Variants in ARID1B observed in about 807,000 individuals in gnomAD.
ARID1B encodes the protein AT-rich interaction domain 1B.
ARID1B carries 30 observed loss-of-function variants against 212.3 expected under a neutral mutation model. The ratio of observed to expected loss-of-function variants is 0.14; its 90% confidence interval spans 0.11 to 0.19. The LOEUF (loss-of-function observed/expected upper bound fraction) is 0.19, where lower values mean the gene tolerates loss of function less well. Among genes scored for constraint, ARID1B ranks in the 10% least tolerant of loss-of-function variants. ARID1B has a pLI of 1.00. For synonymous variants in ARID1B, 1,402 were observed against 1,301.7 expected (o/e 1.08, Z -1.66); for missense variants, 2,891 against 3,204.0 (o/e 0.90, Z 2.36).
At position 157,206,048 on chromosome 6, in the gene ARID1B, A is replaced by C; in HGVS notation, c.5395-119A>C. 1 of 1,152,178 alleles carries C rather than the reference A, an allele frequency of 8.7e-7. No individual in the cohort carries two copies. The highest frequency in any genetic ancestry group is 1.2e-6 in the Non-Finnish European group (1 of 811,290). The allele number at this position is 1,152,178 out of a possible 1,614,324, so 71.4% of individuals were successfully genotyped here. A position where few individuals can be genotyped will look rare whatever the true frequency, so the allele number is the denominator to read the frequency against. ...CATGGTCCAGCCAAAAAGGGAGACA[A>C]ACGTGTGACAATGATGGAAAGGTAT... On this transcript the variant is annotated intron_variant, in intron 19 of 19. Transcript: ENST00000636930. The surrounding 1 kb of genome is among the most constrained non-coding windows in gnomAD (Gnocchi z 6.8).
chr6:156,942,954 C>G (rs1562499983), intron 4 of ARID1B: 1 of 152,192 alleles, frequency 6.6e-6, no homozygotes, highest in Non-Finnish European at 1.5e-5. Context: ...CCAGCAGGAG[C>G]TCATAGTAGC....
intron 1 of ARID1B, among the ~76,000 whole-genome samples, chr6:156,820,294 A>G (rs1014667236): frequency 9.9e-5 from 15 of 152,190 alleles, no homozygotes; most frequent in Middle Eastern, 3.2e-3. Flanking sequence ...CAAGAGGCCT[A>G]CATTCTAGTT....
In ARID1B at chr6:156,829,288, C is replaced by T; in HGVS notation, c.1853C>T (p.Pro618Leu). Residue 618 changes from proline to leucine, a missense_variant, in exon 2 of 20, where the codon CCT (proline) becomes CTT (leucine). Physicochemically the swap from Pro to Leu is moderately conservative, Grantham distance 98. Transcript: ENST00000636930. Reference sequence around the variant, plus strand: ...CAGTTGTATGGCATGGGCAGTAACCCTCATTCTCAGCCTCAGCAGAGCAGT... The same window carrying T: ...CAGTTGTATGGCATGGGCAGTAACCTTCATTCTCAGCCTCAGCAGAGCAGT... ...RPQLYGMGSNPHSQPQQSSPY... is the reference protein window; with the variant it reads ...RPQLYGMGSNLHSQPQQSSPY... The T allele has an allele frequency of 6.2e-7, 1 of 1,614,202 alleles. No homozygotes were observed. Among genetic ancestry groups the T allele is most frequent in the South Asian group, 1.1e-5 (1 of 91,086 alleles).
chr6:157,146,819 A>C (rs1789761978), intron 7 of ARID1B, among the ~76,000 whole-genome samples: 1 of 152,196 alleles, frequency 6.6e-6, no homozygotes, highest in South Asian at 2.1e-4. Context: ...ACTGATTGGG[A>C]AACACTAATC....
intron 2 of ARID1B, among the ~76,000 whole-genome samples, chr6:156,859,467 C>T (rs1225649310): frequency 1.3e-5 from 2 of 152,090 alleles, no homozygotes; most frequent in African/African-American, 4.8e-5. Flanking sequence ...GGAGAGTTCG[C>T]CTTCCCTTAA....
chr6:157,082,391 C>T (rs1395815321), intron 4 of ARID1B, among the ~76,000 whole-genome samples: 1 of 152,108 alleles, frequency 6.6e-6, no homozygotes. Context: ...TTGTTGAGTC[C>T]AGTAATCAAG....
intron 6 of ARID1B, among the ~76,000 whole-genome samples, chr6:157,126,472 G>A (rs1788144287): frequency 1.3e-5 from 2 of 152,012 alleles, no homozygotes; most frequent in Non-Finnish European, 2.9e-5. Flanking sequence ...GGGTAGTCTG[G>A]TTTTAACATC....
rs570836465 is a variant in ARID1B, at chr6:157,018,778, C to T, written c.2248-65884C>T. On this transcript the variant is annotated intron_variant, in intron 4 of 19. Coordinates refer to ENST00000636930, the MANE Select transcript of ARID1B (RefSeq NM_001374828.1). ...TATACATAAATTCACAATGGATGGA[C>T]CTTGCCTTCATAGAGGTTAAAAGGA... is the stretch of plus-strand genomic sequence containing the variant. Among the ~76,000 whole-genome samples the T allele has an allele frequency of 8.7e-4, 132 of 152,080 alleles. 1 individual carries two copies. Among genetic ancestry groups the T allele is most frequent in the Non-Finnish European group, 1.4e-3 (97 of 68,012 alleles).
At chr6:156,964,958 G>A (rs1046081170) in intron 4 of ARID1B, among the ~76,000 whole-genome samples, 1 of 152,118 alleles carries the variant, frequency 6.6e-6, no homozygotes, top group African/African-American at 2.4e-5. Context: ...TCTCAAAGCC[G>A]CATGATGGTT....
intron 3 of ARID1B, among the ~76,000 whole-genome samples, chr6:156,914,392 C>A (rs998881808): frequency 1.3e-5 from 2 of 152,214 alleles, no homozygotes; most frequent in African/African-American, 4.8e-5. Flanking sequence ...ATGCAGCTGA[C>A]GGTATCTTCC....
rs533182720 is a variant in ARID1B, at chr6:156,777,998, G to C, written c.318G>C (p.Ala106=). The C allele has an allele frequency of 6.5e-7, 1 of 1,531,482 alleles. No individual in the cohort carries two copies. Among genetic ancestry groups the C allele is most frequent in the Admixed American group, 2.0e-5 (1 of 50,634 alleles). The allele number at this position is 1,531,482 out of a possible 1,614,324, so 94.9% of individuals were successfully genotyped here. Residue 106 remains alanine (A), a synonymous_variant, in exon 1 of 20, where the codon GCG becomes GCC. Coordinates refer to ENST00000636930, the MANE Select transcript of ARID1B (RefSeq NM_001374828.1). ...GCGCCAAGAGCGGCGGCTCCGAGGC[G>C]GCTCTCAAGGAGGGTGGAAGCGCCG... ...THSAKSGGSE[A]ALKEGGSAAA...
intron 4 of ARID1B, among the ~76,000 whole-genome samples, chr6:156,973,276 T>G (rs1172871463): frequency 6.6e-6 from 1 of 152,042 alleles, no homozygotes; most frequent in Non-Finnish European, 1.5e-5. Flanking sequence ...TATAGAACCT[T>G]TTTTTTTATT....
intron 1 of ARID1B, among the ~76,000 whole-genome samples, chr6:156,822,879 C>T (rs144754580): frequency 1.4e-3 from 209 of 152,172 alleles, no homozygotes; most frequent in African/African-American, 4.8e-3. Context: ...GCTAGACGGC[C>T]GTGTTGCATC....
chr6:157,020,791 A>T (rs1233942058), intron 4 of ARID1B, among the ~76,000 whole-genome samples: 1 of 152,120 alleles, frequency 6.6e-6, no homozygotes, highest in Non-Finnish European at 1.5e-5. Context: ...TCAATAAATT[A>T]TTTTTTTAAG....
intron 6 of ARID1B, among the ~76,000 whole-genome samples, chr6:157,122,551 A>G (rs1016953999): frequency 6.6e-6 from 1 of 152,232 alleles, no homozygotes; most frequent in Non-Finnish European, 1.5e-5. Context: ...GCCTCTTAGC[A>G]TGTGGTGGAA....
chr6:156,980,797 G>A (rs1328886306), intron 4 of ARID1B, among the ~76,000 whole-genome samples: 1 of 152,178 alleles, frequency 6.6e-6, no homozygotes, highest in Admixed American at 6.5e-5. Flanking sequence ...ATGTACCCAG[G>A]AGCTCAGATT....
intron 6 of ARID1B, among the ~76,000 whole-genome samples, chr6:157,128,049 C>A (rs1291759320): frequency 6.6e-6 from 1 of 151,810 alleles, no homozygotes. Context: ...ATCCTCACTA[C>A]AACCCTATGA....
intron 1 of ARID1B, among the ~76,000 whole-genome samples, chr6:156,796,302 G>A (rs1780373899): frequency 6.6e-6 from 1 of 152,002 alleles, no homozygotes; most frequent in Non-Finnish European, 1.5e-5. Context: ...GCAAATCAGT[G>A]GGCAGTTTAT....
At chr6:157,124,114 T>C in intron 6 of ARID1B, among the ~76,000 whole-genome samples, 1 of 152,254 alleles carries the variant, frequency 6.6e-6, no homozygotes, top group African/African-American at 2.4e-5. Flanking sequence ...CTCACAACAG[T>C]CCTTTCTTGG....
Sources: gnomAD v4.1 joint callset for allele counts (sites outside exome capture counted in the v4.1 genomes callset) on GRCh38, gnomAD v4.1.1 for gene constraint, Gnocchi (gnomAD v3.1) non-coding constraint, MANE v1.5 for transcripts, NCBI Gene and HGNC (gene_info 2026-07-23, HGNC 2026-07-21) for gene names.